The following XPA variants were observed in gnomAD, a reference collection of about 807,000 sequenced individuals.
XPA encodes DNA repair protein complementing XP-A cells.
Under a neutral mutation model 35.7 loss-of-function variants are expected in XPA, and 27 were observed. The observed-to-expected ratio is 0.76, with a 90% CI of 0.56 to 1.04. XPA has a LOEUF of 1.04. Among genes scored for constraint, XPA ranks in the 50% least tolerant of loss-of-function variants. The pLI, the probability that XPA is intolerant of heterozygous loss-of-function variation, is 0.00. For synonymous variants in XPA, 133 were observed against 118.4 expected (o/e 1.12, Z -0.80); for missense variants, 354 against 342.7 (o/e 1.03, Z -0.26).
At chr9:97,671,235 T>C (rs749381559), downstream of XPA, 1 of 1,394,050 alleles carries the variant, frequency 7.2e-7, no homozygotes, top group East Asian at 2.3e-5. Flanking sequence ...TTTTTTTTGA[T>C]ATCTTAAAAT....
chr9:97,677,322 A>G (rs1587737637), intron 5 of XPA, among the ~76,000 whole-genome samples: 1 of 152,146 alleles, frequency 6.6e-6, no homozygotes. Flanking sequence ...CAGGCTATAT[A>G]ATGGTGAGAA....
At chr9:97,663,116 C>A in the XPA span, 1 of 1,200,772 alleles carries the variant, frequency 8.3e-7, no homozygotes, top group Non-Finnish European at 1.2e-6. Flanking sequence ...CCGTTAATTG[C>A]CATTGTTTTG....
At chr9:97,677,786 A>G (rs545238853) in intron 5 of XPA, among the ~76,000 whole-genome samples, 1 of 151,992 alleles carries the variant, frequency 6.6e-6, no homozygotes, top group Admixed American at 6.5e-5. Context: ...TTTCTGAACA[A>G]TCCAGTCCTA....
the XPA span, chr9:97,658,520 A>T: frequency 4.1e-6 from 3 of 730,798 alleles, no homozygotes; most frequent in Admixed American, 2.5e-5. Context: ...TTTCCCTTTC[A>T]CTTCTTGGTT....
chr9:97,670,344 G>A (rs903943612), downstream of XPA, among the ~76,000 whole-genome samples: 34 of 152,290 alleles, frequency 2.2e-4, no homozygotes, highest in African/African-American at 7.5e-4. Context: ...ATGTGCAGGT[G>A]GTAAACTGTC....
intron 3 of XPA, among the ~76,000 whole-genome samples, chr9:97,688,458 TAA>T (rs1564046339): frequency 1.3e-5 from 2 of 152,234 alleles, no homozygotes; most frequent in African/African-American, 4.8e-5. Flanking sequence ...TCGAGGTCTT[TAA>T]CCTTAATCAT....
intron 1 of XPA, among the ~76,000 whole-genome samples, chr9:97,694,173 C>T (rs777914810): frequency 1.3e-5 from 2 of 152,218 alleles, no homozygotes; most frequent in Non-Finnish European, 2.9e-5. Context: ...ATTATAAAAA[C>T]GTCAATTCTT....
Position 97,689,634 on chromosome 9 carries a change from C to T in XPA, c.289G>A (p.Val97Ile), listed in dbSNP as rs10983315. ...IGKVVHQPGP[V>I]MEFDYVICEE... ...CATATTACATAATCAAATTCCATAA[C>T]AGGTCCTAAGAAAAGGAAAATGAAC... Residue 97 changes from valine (V) to isoleucine (I), a missense_variant, in exon 3 of 6, where the codon GTT becomes ATT. Val to Ile is a conservative substitution (Grantham distance 29, BLOSUM62 3). Coordinates refer to ENST00000375128, the MANE Select transcript of XPA (RefSeq NM_000380.4). 1.4e-4 allele frequency: 217 copies of T among 1,596,492 alleles called. No homozygotes were observed. The East Asian group carries it at 4.0e-3, about 29-fold the overall frequency.
intron 4 of XPA, among the ~76,000 whole-genome samples, 184 bp downstream of exon 4, chr9:97,686,912 G>T (rs1014928910): frequency 3.3e-5 from 5 of 151,786 alleles, no homozygotes; most frequent in Admixed American, 1.3e-4. Context: ...TTTGAAAAAA[G>T]AAAAGAAAAA....
chr9:97,655,405 TCTTG>T, the XPA span, among the ~76,000 whole-genome samples: 1 of 152,100 alleles, frequency 6.6e-6, no homozygotes, highest in Non-Finnish European at 1.5e-5. Flanking sequence ...TTTTTTTTTT[TCTTG>T]CTTCAGTTTC....
the XPA span, among the ~76,000 whole-genome samples, chr9:97,658,054 C>T: frequency 0.032 from 4,887 of 151,448 alleles, 99 homozygotes; most frequent in Non-Finnish European, 0.05. Context: ...TTCATGGAGC[C>T]CTAGTTTCTA....
the XPA span, among the ~76,000 whole-genome samples, chr9:97,657,077 C>A: frequency 6.6e-6 from 1 of 152,192 alleles, no homozygotes; most frequent in African/African-American, 2.4e-5. Flanking sequence ...ACGCCATTCT[C>A]CTGCCTCAGC....
rs561039068 is a variant in XPA at position 97,678,439 on chromosome 9, A to T, written c.674-2852T>A. On this transcript the variant is annotated intron_variant, in intron 5 of 5. Coordinates refer to ENST00000375128, the MANE Select transcript of XPA (RefSeq NM_000380.4). Reference sequence around the variant, plus strand: ...TAAATAAAAAAAGTAAGGAAATGACATGTCAAAAGATACAAAAGCTAGTCA... The same window carrying T: ...TAAATAAAAAAAGTAAGGAAATGACTTGTCAAAAGATACAAAAGCTAGTCA... Among the ~76,000 whole-genome samples, 3 of 152,250 alleles carry T rather than the reference A, an allele frequency of 2.0e-5. No individual in the cohort carries two copies. In the South Asian group the frequency reaches 6.2e-4, roughly 32 times the overall value.
intron 5 of XPA, chr9:97,682,351 A>G (rs1469104085): frequency 1.2e-5 from 6 of 518,808 alleles, no homozygotes; most frequent in Admixed American, 1.9e-5. Flanking sequence ...ACTGCACAGT[A>G]AGCTCCTTGT....
the XPA span, chr9:97,668,993 T>A: frequency 6.3e-7 from 1 of 1,587,536 alleles, no homozygotes; most frequent in Non-Finnish European, 8.6e-7. Context: ...GCTTGGGACA[T>A]TTATACATAA....
chr9:97,667,145 C>A, the XPA span, among the ~76,000 whole-genome samples: 1 of 152,044 alleles, frequency 6.6e-6, no homozygotes, highest in African/African-American at 2.4e-5. Flanking sequence ...GTCGGCCTCA[C>A]GTTTGCACAA....
the XPA span, chr9:97,658,834 T>C: frequency 2.9e-6 from 3 of 1,018,278 alleles, no homozygotes; most frequent in Non-Finnish European, 4.6e-6. Flanking sequence ...ATTGAACTTT[T>C]TCTTTTCTTG....
At chr9:97,682,317 C>T (rs758864604) in intron 5 of XPA, 1 of 518,898 alleles carries the variant, frequency 1.9e-6, no homozygotes, top group African/African-American at 1.9e-5. Flanking sequence ...TTTTATTCCT[C>T]TCTGTTCTGA....
chr9:97,675,676 A>ATG (rs919014517), intron 5 of XPA, 89 bp from the exon 6 acceptor site: 2 of 1,449,754 alleles, frequency 1.4e-6, no homozygotes, highest in Non-Finnish European at 1.9e-6. Context: ...AGCCATGTAC[A>ATG]TGTGTGTGTG....
Sources: gnomAD v4.1 joint callset for allele counts (sites outside exome capture counted in the v4.1 genomes callset) on GRCh38, gnomAD v4.1.1 for gene constraint, MANE v1.5 for transcripts, NCBI Gene and HGNC (gene_info 2026-07-23, HGNC 2026-07-21) for gene names.